Variants in STARD13 observed in about 807,000 individuals in gnomAD.
STARD13 encodes StAR related lipid transfer domain containing 13.
A neutral mutation model predicts 106.4 loss-of-function variants in STARD13; 62 were observed. The ratio of observed to expected loss-of-function variants is 0.58; its 90% CI spans 0.48 to 0.72. The LOEUF is 0.72. Ranked by LOEUF, STARD13 falls within the 30% of genes least tolerant of loss-of-function variation. The pLI is 0.00. For synonymous variants in STARD13, 565 were observed against 553.0 expected, an observed-to-expected ratio of 1.02 and a Z score of -0.31; for missense variants, 1,387 against 1,424.0, an observed-to-expected ratio of 0.97 and a Z score of 0.42.
At position 33,110,031 on chromosome 13, in the gene STARD13, G is replaced by A. The variant is rs34251901; in HGVS notation, c.2889C>T (p.Pro963=). Reference sequence around the variant, plus strand: ...TCAGCACGCGGTTCAGGACCACTGAGGGGGGTGCTTCCACCTCCACAGAAG... The same window carrying A: ...TCAGCACGCGGTTCAGGACCACTGAAGGGGGTGCTTCCACCTCCACAGAAG... ...WKASVEVEAP[P]SVVLNRVLRE... is the part of the protein sequence containing the mutation. The change falls in exon 12 of 14, where the codon CCC becomes CCT. Residue 963 remains proline (P), a synonymous_variant. Coordinates refer to ENST00000336934, the MANE Select transcript of STARD13 (RefSeq NM_178006.4). 421 of 1,614,196 alleles carry A rather than the reference G, an allele frequency of 2.6e-4. 2 individuals are homozygous for A. In the African/African-American group the frequency reaches 4.5e-3, roughly 17 times the overall value.
chr13:33,138,410 CTTTTTTTTTTTT>C (rs71196507), intron 4 of STARD13: 1 of 122,794 alleles, frequency 8.1e-6, no homozygotes, highest in Non-Finnish European at 1.7e-5. Flanking sequence ...CACTGTTTGG[CTTTTTTTTTTTT>C]TTTTTTTCTA....
In STARD13 at chr13:33,128,056, T is replaced by C. The variant is rs534108986; in HGVS notation, c.1749-510A>G. ...CAAAAAGAGATACAGAGGCAGAGGA[T>C]GGAGAGACAGACAGAGACAGAAAGA... On this transcript the variant is annotated intron_variant, in intron 5 of 13. Transcript: ENST00000336934. Among the ~76,000 whole-genome samples, 16 of 150,550 alleles carry C rather than the reference T, an allele frequency of 1.1e-4. No individual in the cohort carries two copies. In the South Asian group the frequency reaches 3.4e-3, roughly 32 times the overall value.
chr13:33,460,467 G>A, the STARD13 span, among the ~76,000 whole-genome samples: 1 of 151,422 alleles, frequency 6.6e-6, no homozygotes, highest in African/African-American at 2.4e-5. Context: ...CTCCAGCCTG[G>A]TGACAGAGCA....
At chr13:33,446,420 A>G in the STARD13 span, among the ~76,000 whole-genome samples, 4 of 152,236 alleles carry the variant, frequency 2.6e-5, no homozygotes, top group East Asian at 7.7e-4. Context: ...GATGAAAGCT[A>G]AAAAGAAAAA....
At chr13:33,155,592 A>G (rs1391584291) in intron 3 of STARD13, 2 of 152,224 alleles carry the variant, frequency 1.3e-5, no homozygotes, top group Non-Finnish European at 2.9e-5. Flanking sequence ...GCTTAGGCAT[A>G]TAAAAGTCAT....
At chr13:33,241,739 G>C (rs896725028) in intron 1 of STARD13, among the ~76,000 whole-genome samples, 2 of 152,098 alleles carry the variant, frequency 1.3e-5, no homozygotes. Flanking sequence ...ATGGGGTTTC[G>C]CAGTGTTGGC....
At chr13:33,616,409 A>G in the STARD13 span, among the ~76,000 whole-genome samples, 12 of 152,260 alleles carry the variant, frequency 7.9e-5, no homozygotes, top group Admixed American at 7.8e-4. Context: ...AGCAGATAAT[A>G]GACAACAAAG....
chr13:33,110,547 T>C, intron 11 of STARD13, 139 bp downstream of exon 11: 1 of 708,656 alleles, frequency 1.4e-6, no homozygotes, highest in Non-Finnish European at 2.5e-6. Flanking sequence ...ACTGAGTTCT[T>C]TGAATGGTTC....
chr13:33,469,281 T>C, the STARD13 span, among the ~76,000 whole-genome samples: 1 of 152,174 alleles, frequency 6.6e-6, no homozygotes, highest in African/African-American at 2.4e-5. Context: ...CAACCCAGGA[T>C]TACCTGATTC....
chr13:33,196,402 T>C (rs1245196500), intron 1 of STARD13, among the ~76,000 whole-genome samples: 2 of 152,098 alleles, frequency 1.3e-5, no homozygotes, highest in Admixed American at 6.6e-5. Context: ...TAATAATAAA[T>C]ACAAATAAAA....
At chr13:33,145,850 C>T (rs1298496132) in intron 3 of STARD13, among the ~76,000 whole-genome samples, 1 of 152,112 alleles carries the variant, frequency 6.6e-6, no homozygotes, top group African/African-American at 2.4e-5. Flanking sequence ...TGAGTGGTTG[C>T]CAAATGCTGG....
intron 1 of STARD13, among the ~76,000 whole-genome samples, chr13:33,296,651 T>C (rs1892507464): frequency 6.6e-6 from 1 of 152,174 alleles, no homozygotes. Flanking sequence ...GGAGTTTTGC[T>C]CTTGTCATCC....
chr13:33,262,662 A>ACAACACACACACACACAC (rs5802678), intron 1 of STARD13, among the ~76,000 whole-genome samples: 48 of 114,982 alleles, frequency 4.2e-4, no homozygotes, highest in African/African-American at 1.4e-3. Flanking sequence ...ACACACACAC[A>ACAACACACACACACACAC]ACACACACAC....
Position 33,255,103 on chromosome 13 carries a change from C to CCG in STARD13, c.169+30366_169+30367insCG, listed in dbSNP as rs1555254042. Among the ~76,000 whole-genome samples, 3 of 142,916 alleles carry CCG rather than the reference C, an allele frequency of 2.1e-5. No homozygotes were observed. The East Asian group carries it at 5.8e-4, about 28-fold the overall frequency. 93.8% of individuals were successfully genotyped at this position (142,916 alleles called of 152,430 possible). A position where few individuals can be genotyped will look rare whatever the true frequency, so the allele number is the denominator to read the frequency against. ...ATACCTGTCCATCTGTGTGCTCCCC[C>CCG]CCCCCTCAGAGGCTTGATCAGGTTC... On this transcript the variant is annotated intron_variant, in intron 1 of 13. Transcript: ENST00000336934.
At chr13:33,574,893 A>G in the STARD13 span, among the ~76,000 whole-genome samples, 8 of 150,644 alleles carry the variant, frequency 5.3e-5, no homozygotes, top group African/African-American at 2.0e-4. Flanking sequence ...TCAGTTTCAC[A>G]GTGATGTTAT....
chr13:33,415,362 C>G, the STARD13 span, among the ~76,000 whole-genome samples: 1 of 151,904 alleles, frequency 6.6e-6, no homozygotes, highest in Admixed American at 6.6e-5. Context: ...AGTGAGACTC[C>G]GTCTCAAAAA....
chr13:33,264,051 C>CA (rs1890775149), intron 1 of STARD13, among the ~76,000 whole-genome samples: 1 of 152,178 alleles, frequency 6.6e-6, no homozygotes, highest in South Asian at 2.1e-4. Flanking sequence ...GAAGCCTGGG[C>CA]AACCACATGG....
At chr13:33,577,725 A>G in the STARD13 span, among the ~76,000 whole-genome samples, 1 of 152,150 alleles carries the variant, frequency 6.6e-6, no homozygotes, top group Non-Finnish European at 1.5e-5. Context: ...AAAAAGGATT[A>G]TAGCCCTCAA....
chr13:33,307,291 C>G (rs1202078443), intron 1 of STARD13, among the ~76,000 whole-genome samples: 1 of 152,196 alleles, frequency 6.6e-6, no homozygotes, highest in Non-Finnish European at 1.5e-5. Flanking sequence ...TTTGACCGAG[C>G]AATCCCATTA....
Sources: allele counts gnomAD v4.1 joint callset (sites outside exome capture counted in the v4.1 genomes callset), GRCh38; gene constraint gnomAD v4.1.1; transcripts MANE v1.5; gene names NCBI Gene and HGNC (gene_info 2026-07-23, HGNC 2026-07-21).